Variants in SLC7A14 observed in about 807,000 individuals in gnomAD.
The protein encoded by SLC7A14 is gamma-aminobutyric acid transporter SLC7A14.
A neutral mutation model predicts 60.2 loss-of-function variants in SLC7A14; 37 were observed. The observed-to-expected ratio is 0.61, with a 90% CI of 0.47 to 0.81. The LOEUF (loss-of-function observed/expected upper bound fraction) is 0.81. Among genes scored for constraint, SLC7A14 ranks in the 30% least tolerant of loss-of-function variants. The probability of loss-of-function intolerance (pLI) is 0.00; values close to 1 mark genes in which losing one functional copy is unlikely to be tolerated. For missense variants in SLC7A14, 886 were observed against 982.7 expected (o/e 0.90, Z 1.32); for synonymous variants, 399 against 395.8 (o/e 1.01, Z -0.10).
intron 3 of SLC7A14, among the ~76,000 whole-genome samples, chr3:170,500,324 A>G (rs1712563393): frequency 6.6e-6 from 1 of 151,534 alleles, no homozygotes; most frequent in Non-Finnish European, 1.5e-5. Flanking sequence ...TAGTAATCCC[A>G]GCTACTCAGG....
At chr3:170,574,360 T>A (rs1715031465) in intron 1 of SLC7A14, among the ~76,000 whole-genome samples, 2 of 152,196 alleles carry the variant, frequency 1.3e-5, no homozygotes, top group African/African-American at 4.8e-5. Flanking sequence ...GTTTGGCAGT[T>A]GTCTTTTTTC....
At chr3:170,495,812 C>A in intron 4 of SLC7A14, 1 of 1,127,144 alleles carries the variant, frequency 8.9e-7, no homozygotes, top group Non-Finnish European at 1.4e-6. Context: ...CCAAGTGGAG[C>A]CTCCTGCAGC....
intron 6 of SLC7A14, among the ~76,000 whole-genome samples, chr3:170,481,540 T>C (rs1033138304): frequency 6.6e-6 from 1 of 151,986 alleles, no homozygotes; most frequent in Non-Finnish European, 1.5e-5. Context: ...TAGCTGGGAT[T>C]ACAGGCATGC....
rs1346338633 is a variant in SLC7A14, at chr3:170,532,713, CT to C, written c.-152-5626del. Among the ~76,000 whole-genome samples, 2 of 151,990 alleles carry C rather than the reference CT, an allele frequency of 1.3e-5. No homozygotes were observed. The highest frequency in any genetic ancestry group is 3.9e-4 in the East Asian group (2 of 5,176). On this transcript the variant is annotated intron_variant, in intron 1 of 7. Coordinates refer to ENST00000231706, the MANE Select transcript of SLC7A14 (RefSeq NM_020949.3). The surrounding 1 kb of genome is among the most constrained non-coding windows in gnomAD (Gnocchi z 4.0). ...GTTGTTGTTCCCTGCTACTGACACC[CT>C]TCCCACCACCTTCACCTCCTTAGGC...
chr3:170,478,505 C>G lies in SLC7A14; in HGVS notation c.1993+1784G>C, dbSNP rs930074707. Among the ~76,000 whole-genome samples the G allele has an allele frequency of 2.0e-5, 3 of 152,170 alleles. 1 individual carries two copies. In the East Asian group the frequency reaches 5.8e-4, roughly 29 times the overall value. ...GTGAAAAATTGGGACAAAATGCTTA[C>G]AGGAAGCCATAGAGCAGCCTTCAGA... On this transcript the variant is annotated intron_variant, in intron 7 of 7. Transcript: ENST00000231706.
chr3:170,515,768 G>A lies in SLC7A14; in HGVS notation c.304+10865C>T, dbSNP rs1021225517. Among the ~76,000 whole-genome samples the A allele has an allele frequency of 2.0e-5, 3 of 152,180 alleles. 1 individual carries two copies. Among genetic ancestry groups the A allele is most frequent in the Admixed American group, 2.0e-4 (3 of 15,280 alleles). On this transcript the variant is annotated intron_variant, in intron 2 of 7. Coordinates refer to ENST00000231706, the MANE Select transcript of SLC7A14 (RefSeq NM_020949.3). ...GGAGGAAACTGAGATCAGGACATGT[G>A]AATGACTTGCCTGAGGGCCCTGGAC... is the stretch of plus-strand genomic sequence containing the variant.
chr3:170,522,757 G>A (rs1713373677), intron 2 of SLC7A14, among the ~76,000 whole-genome samples: 1 of 152,130 alleles, frequency 6.6e-6, no homozygotes, highest in African/African-American at 2.4e-5. Flanking sequence ...AAAGCTCATA[G>A]AAGTGTATAT....
At chr3:170,512,007 A>G (rs73882029) in intron 2 of SLC7A14, among the ~76,000 whole-genome samples, 3,315 of 152,298 alleles carry the variant, frequency 0.022, 128 homozygotes, top group African/African-American at 0.074. Context: ...TGTGCAGAAA[A>G]GGAAAGGAGA....
At chr3:170,476,610 A>G (rs1711626747) in intron 7 of SLC7A14, among the ~76,000 whole-genome samples, 1 of 152,256 alleles carries the variant, frequency 6.6e-6, no homozygotes, top group Non-Finnish European at 1.5e-5. Flanking sequence ...GCTTTGGCAT[A>G]TGATAGCCAG....
chr3:170,465,150 A>G lies in SLC7A14; in HGVS notation c.*1905T>C, dbSNP rs1739687724. ...GAAACCAGAGTTCTAAACAATGACTACAGAAGAATAAAAAATATCTAGAAA... is the reference window on the plus strand; with the variant it reads ...GAAACCAGAGTTCTAAACAATGACTGCAGAAGAATAAAAAATATCTAGAAA... On this transcript the variant is annotated 3_prime_UTR_variant, in exon 8 of 8. Transcript: ENST00000231706. 1 of 152,268 alleles carries G rather than the reference A, an allele frequency of 6.6e-6. No individual in the cohort carries two copies. The highest frequency in any genetic ancestry group is 2.4e-5 in the African/African-American group (1 of 41,482). The allele number at this position is 152,268 out of a possible 1,614,324, so 9.4% of individuals were successfully genotyped here.
In SLC7A14 at chr3:170,461,843, A is replaced by G. The variant is rs1451103411; in HGVS notation, c.*5212T>C. Reference sequence around the variant, plus strand: ...CAGAGGCTCCATGAAGACTTTGGATAGAAACATCTTCCTTGACACGTCTTG... The same window carrying G: ...CAGAGGCTCCATGAAGACTTTGGATGGAAACATCTTCCTTGACACGTCTTG... On this transcript the variant is annotated 3_prime_UTR_variant, in exon 8 of 8. Transcript: ENST00000231706. The G allele has an allele frequency of 6.6e-6, 1 of 152,358 alleles. No homozygotes were observed. The highest frequency in any genetic ancestry group is 6.5e-5 in the Admixed American group (1 of 15,280). The allele number at this position is 152,358 out of a possible 1,614,324, so 9.4% of individuals were successfully genotyped here.
chr3:170,491,363 A>G (rs982014976), intron 4 of SLC7A14, among the ~76,000 whole-genome samples: 8 of 152,374 alleles, frequency 5.3e-5, no homozygotes, highest in Middle Eastern at 3.4e-3. Flanking sequence ...CTGCATTTGC[A>G]TATGTAGAAC....
chr3:170,517,723 A>G (rs933380884), intron 2 of SLC7A14, among the ~76,000 whole-genome samples: 4 of 152,218 alleles, frequency 2.6e-5, no homozygotes, highest in African/African-American at 4.8e-5. Context: ...CATCTGCTCA[A>G]CAGAGCTCTG....
intron 7 of SLC7A14, among the ~76,000 whole-genome samples, chr3:170,470,936 T>G (rs1478175908): frequency 1.3e-5 from 2 of 152,182 alleles, no homozygotes; most frequent in African/African-American, 4.8e-5. Context: ...CTGGGAATCC[T>G]GAATCATCTA....
chr3:170,497,087 C>CAAAAAAAAAAAAAAAAAA (rs548290941), intron 4 of SLC7A14, among the ~76,000 whole-genome samples: 7 of 94,302 alleles, frequency 7.4e-5, no homozygotes, highest in Non-Finnish European at 1.1e-4. Context: ...TTATTTTGTC[C>CAAAAAAAAAAAAAAAAAA]AAAAAAAAAA....
chr3:170,581,080 A>G (rs1355067246), intron 1 of SLC7A14, among the ~76,000 whole-genome samples: 1 of 152,156 alleles, frequency 6.6e-6, no homozygotes, highest in Non-Finnish European at 1.5e-5. Context: ...AACAGATTTC[A>G]ACTTAGAGAA....
rs564227150 is a variant in SLC7A14 at position 170,584,031 on chromosome 3, T to C, written c.-153+1880A>G. Reference sequence around the variant, plus strand: ...TGGACTTTGAGTTAAATAGATCTGATTTTGAATCCAATCTCTGGAATCAAG... The same window carrying C: ...TGGACTTTGAGTTAAATAGATCTGACTTTGAATCCAATCTCTGGAATCAAG... On this transcript the variant is annotated intron_variant, in intron 1 of 7. Transcript: ENST00000231706. 7.9e-5 allele frequency among the ~76,000 whole-genome samples: 12 copies of C among 152,322 alleles called. No homozygotes were observed. In the South Asian group the frequency reaches 2.5e-3, roughly 32 times the overall value.
intron 3 of SLC7A14, among the ~76,000 whole-genome samples, 156 bp downstream of exon 3, chr3:170,500,953 G>T (rs955997523): frequency 2.0e-5 from 3 of 152,202 alleles, no homozygotes; most frequent in African/African-American, 7.2e-5. Context: ...TTTAAGGATG[G>T]ATAGATTCAT....
chr3:170,495,508 G>C lies in SLC7A14; in HGVS notation c.759+3159C>G. Reference sequence around the variant, plus strand: ...TCTGGCCCCCAGGCCTTTAGCAGCCGCTTTTACACGAATGGGCCTGGTGCC... The same window carrying C: ...TCTGGCCCCCAGGCCTTTAGCAGCCCCTTTTACACGAATGGGCCTGGTGCC... On this transcript the variant is annotated intron_variant, in intron 4 of 7. Transcript: ENST00000231706. 1.0e-5 allele frequency: 8 copies of C among 770,550 alleles called. No homozygotes were observed. The South Asian group carries it at 1.3e-4, about 13-fold the overall frequency. The allele number at this position is 770,550 out of a possible 1,614,324, so 47.7% of individuals were successfully genotyped here.
Sources: gnomAD v4.1 joint callset for allele counts (sites outside exome capture counted in the v4.1 genomes callset) on GRCh38, gnomAD v4.1.1 for gene constraint, Gnocchi (gnomAD v3.1) non-coding constraint, MANE v1.5 for transcripts, NCBI Gene and HGNC (gene_info 2026-07-23, HGNC 2026-07-21) for gene names.